Variants in OR8K3 observed in about 807,000 individuals in gnomAD.
The protein encoded by OR8K3 is olfactory receptor 8K3.
For synonymous variants in OR8K3, 167 were observed against 138.8 expected, an observed-to-expected ratio of 1.20 and a Z score of -1.43; for missense variants, 448 against 367.4, an observed-to-expected ratio of 1.22 and a Z score of -1.79.
intron 2 of OR8K3, among the ~76,000 whole-genome samples, chr11:56,316,462 T>A (rs1303343124): frequency 6.6e-6 from 1 of 151,906 alleles, no homozygotes; most frequent in Non-Finnish European, 1.5e-5. Flanking sequence ...TTATCTTAGG[T>A]TATCATGCCC....
chr11:56,318,282 A>G lies in OR8K3; in HGVS notation c.-23-2A>G, dbSNP rs746032696. The G allele has an allele frequency of 3.2e-6, 5 of 1,548,478 alleles. No individual in the cohort carries two copies. Among genetic ancestry groups the G allele is most frequent in the African/African-American group, 1.4e-5 (1 of 73,670 alleles). ...TATTGACAATGCCGATGTCTCTATCAGAATAGGTTTTCTGATGAACCTGGA... is the reference window on the plus strand; with the variant it reads ...TATTGACAATGCCGATGTCTCTATCGGAATAGGTTTTCTGATGAACCTGGA... On this transcript the variant is annotated splice_acceptor_variant, in intron 2 of 2. Coordinates refer to ENST00000641662, the MANE Select transcript of OR8K3 (RefSeq NM_001005202.2). LOFTEE classifies it low-confidence loss of function (5UTR_SPLICE).
intron 1 of OR8K3, among the ~76,000 whole-genome samples, chr11:56,315,708 GGGTTGCTACC>G (rs1854433901): frequency 6.6e-6 from 1 of 151,722 alleles, no homozygotes; most frequent in African/African-American, 2.4e-5. Context: ...GTCAAAAAGG[GGGTTGCTACC>G]TTACATTCGA....
chr11:56,317,366 A>G (rs1287995211), intron 2 of OR8K3, among the ~76,000 whole-genome samples: 1 of 152,140 alleles, frequency 6.6e-6, no homozygotes, highest in Non-Finnish European at 1.5e-5. Context: ...TAGATAACTT[A>G]CACTATTTGC....
chr11:56,316,851 CTT>C (rs777755328), intron 2 of OR8K3, among the ~76,000 whole-genome samples: 2 of 151,900 alleles, frequency 1.3e-5, no homozygotes, highest in Non-Finnish European at 2.9e-5. Flanking sequence ...ATAAAACAAA[CTT>C]AACGTTCACA....
intron 1 of OR8K3, 31 bp from the exon 2 acceptor site, chr11:56,315,969 A>G (rs1854438131): frequency 6.6e-6 from 1 of 152,066 alleles, no homozygotes; most frequent in African/African-American, 2.4e-5. Context: ...ACAGCAAAAT[A>G]TGAAAAAAAG....
In OR8K3 at chr11:56,320,043, C is replaced by T. The variant is rs918598365; in HGVS notation, c.*798C>T. 2 of 152,092 alleles carry T rather than the reference C, an allele frequency of 1.3e-5. No homozygotes were observed. Among genetic ancestry groups the T allele is most frequent in the Non-Finnish European group, 2.9e-5 (2 of 68,016 alleles). 9.4% of individuals were successfully genotyped at this position (152,092 alleles called of 1,614,324 possible). A position where few individuals can be genotyped will look rare whatever the true frequency, so the allele number is the denominator to read the frequency against. On this transcript the variant is annotated 3_prime_UTR_variant, in exon 3 of 3. Coordinates refer to ENST00000641662, the MANE Select transcript of OR8K3 (RefSeq NM_001005202.2). ...TCTTGCTTAATAACTGCCTTTTTCA[C>T]AGATTTTCCCGTTATTTATCTAAAA...
rs940269862 is a variant in OR8K3, at chr11:56,318,732, G to A, written c.426G>A (p.Gln142=). 2 of 1,613,838 alleles carry A rather than the reference G, an allele frequency of 1.2e-6. No homozygotes were observed. The highest frequency in any genetic ancestry group is 1.3e-5 in the African/African-American group (1 of 74,896). ...TAATCATGTCACGAAGGGTATGTCA[G>A]GTGCTGGTAGCAATCCCTTACCTCT... is the stretch of plus-strand genomic sequence containing the variant. ...YTVIMSRRVC[Q]VLVAIPYLYC... Residue 142 remains glutamine, a synonymous_variant, in exon 3 of 3, where the codon CAG becomes CAA. Coordinates refer to ENST00000641662, the MANE Select transcript of OR8K3 (RefSeq NM_001005202.2).
chr11:56,318,034 T>C (rs1347428586), intron 2 of OR8K3, among the ~76,000 whole-genome samples: 1 of 152,128 alleles, frequency 6.6e-6, no homozygotes, highest in East Asian at 1.9e-4. Flanking sequence ...CACCTCCAAA[T>C]TGTGATAAAT....
intron 1 of OR8K3, 51 bp from the exon 2 acceptor site, chr11:56,315,949 T>C (rs903128742): frequency 6.6e-6 from 1 of 152,016 alleles, no homozygotes; most frequent in Non-Finnish European, 1.5e-5. Context: ...GCAATTGATA[T>C]TCAACAAAGA....
At position 56,319,059 on chromosome 11, in the gene OR8K3, T is replaced by A; in HGVS notation, c.753T>A (p.Tyr251Ter). ...GAHLTVVIVF[Y>*]GTLLFMYVQP... is the part of the protein sequence containing the mutation. ...ACCTGACAGTGGTCATAGTGTTCTA[T>A]GGGACTTTGCTTTTCATGTACGTGC... Residue 251 changes from tyrosine (Y) to a stop codon, truncating the protein, a stop_gained, in exon 3 of 3, where the codon TAT (tyrosine) becomes TAA (stop). Coordinates refer to ENST00000641662, the MANE Select transcript of OR8K3 (RefSeq NM_001005202.2). LOFTEE classifies it low-confidence loss of function (END_TRUNC). 2 of 1,614,152 alleles carry A rather than the reference T, an allele frequency of 1.2e-6. No individual in the cohort carries two copies. Among genetic ancestry groups the A allele is most frequent in the Non-Finnish European group, 1.7e-6 (2 of 1,180,018 alleles).
Position 56,319,039 on chromosome 11 carries a change from A to G in OR8K3, c.733A>G (p.Thr245Ala), listed in dbSNP as rs370675491. 6.2e-6 allele frequency: 10 copies of G among 1,614,002 alleles called. No individual in the cohort carries two copies. The African/African-American group carries it at 1.1e-4, about 17-fold the overall frequency. The change falls in exon 3 of 3, where the codon ACA becomes GCA. Residue 245 changes from threonine (T) to alanine (A), a missense_variant. By Grantham distance (58) the Thr-to-Ala change is moderately conservative. Coordinates refer to ENST00000641662, the MANE Select transcript of OR8K3 (RefSeq NM_001005202.2). Reference sequence around the variant, plus strand: ...TTTTTCTACCTGTGGAGCCCACCTGACAGTGGTCATAGTGTTCTATGGGAC... The same window carrying G: ...TTTTTCTACCTGTGGAGCCCACCTGGCAGTGGTCATAGTGTTCTATGGGAC... ...KAFSTCGAHL[T>A]VVIVFYGTLL...
rs775352273 is a variant in OR8K3, at chr11:56,319,070, T to C, written c.764T>C (p.Leu255Pro). Reference protein sequence around the residue: ...TVVIVFYGTLLFMYVQPKSSH... With the variant: ...TVVIVFYGTLPFMYVQPKSSH... ...GTCATAGTGTTCTATGGGACTTTGCTTTTCATGTACGTGCAGCCCAAGTCC... is the reference window on the plus strand; with the variant it reads ...GTCATAGTGTTCTATGGGACTTTGCCTTTCATGTACGTGCAGCCCAAGTCC... The change falls in exon 3 of 3, where the codon CTT becomes CCT. Residue 255 changes from leucine (L) to proline (P), a missense_variant. Leu to Pro is a moderately conservative substitution (Grantham distance 98, BLOSUM62 -3). Transcript: ENST00000641662. The C allele has an allele frequency of 4.3e-6, 7 of 1,614,120 alleles. No individual in the cohort carries two copies. Among genetic ancestry groups the C allele is most frequent in the Non-Finnish European group, 5.9e-6 (7 of 1,180,006 alleles).
Position 56,318,769 on chromosome 11 carries a change from A to G in OR8K3, c.463A>G (p.Ile155Val), listed in dbSNP as rs374761061. 1 of 1,613,706 alleles carries G rather than the reference A, an allele frequency of 6.2e-7. No homozygotes were observed. Among genetic ancestry groups the G allele is most frequent in the African/African-American group, 1.3e-5 (1 of 74,856 alleles). ...AATCCCTTACCTCTATTGCACATTC[A>G]TTTCTCTTCTAGTCACCATAAAGAT... ...VAIPYLYCTF[I>V]SLLVTIKIFT... The change falls in exon 3 of 3, where the codon ATT becomes GTT. Residue 155 changes from isoleucine (I) to valine (V), a missense_variant. By Grantham distance (29) the Ile-to-Val change is conservative (BLOSUM62 3). Coordinates refer to ENST00000641662, the MANE Select transcript of OR8K3 (RefSeq NM_001005202.2).
chr11:56,318,283 G>A lies in OR8K3; in HGVS notation c.-23-1G>A. ...ATTGACAATGCCGATGTCTCTATCA[G>A]AATAGGTTTTCTGATGAACCTGGAT... On this transcript the variant is annotated splice_acceptor_variant, in intron 2 of 2. Transcript: ENST00000641662. LOFTEE classifies it low-confidence loss of function (5UTR_SPLICE). 1 of 1,557,494 alleles carries A rather than the reference G, an allele frequency of 6.4e-7. No individual in the cohort carries two copies. The highest frequency in any genetic ancestry group is 8.8e-7 in the Non-Finnish European group (1 of 1,132,708).
chr11:56,318,310 G>A lies in OR8K3; in HGVS notation c.4G>A (p.Glu2Lys), dbSNP rs1854471538. 7 of 1,610,838 alleles carry A rather than the reference G, an allele frequency of 4.3e-6. No individual in the cohort carries two copies. Among genetic ancestry groups the A allele is most frequent in the South Asian group, 1.1e-5 (1 of 90,938 alleles). The change falls in exon 3 of 3, where the codon GAA becomes AAA. Residue 2 changes from glutamate (E) to lysine (K), a missense_variant. Physicochemically the swap from Glu to Lys is moderately conservative, Grantham distance 56. Transcript: ENST00000641662. ...ATAGGTTTTCTGATGAACCTGGATG[G>A]AACAACACAATCTAACAACGGTGAA... is the stretch of plus-strand genomic sequence containing the variant. M[E>K]QHNLTTVNEF...
intron 2 of OR8K3, among the ~76,000 whole-genome samples, chr11:56,317,645 C>G (rs1395586499): frequency 2.6e-5 from 4 of 152,028 alleles, no homozygotes; most frequent in Non-Finnish European, 4.4e-5. Flanking sequence ...TTTTATATAA[C>G]TAAAATTGTA....
chr11:56,318,768 C>A lies in OR8K3; in HGVS notation c.462C>A (p.Phe154Leu), dbSNP rs779569425. The change falls in exon 3 of 3, where the codon TTC becomes TTA. Residue 154 changes from phenylalanine to leucine, a missense_variant. Physicochemically the swap from Phe to Leu is conservative, Grantham distance 22. Transcript: ENST00000641662. ...CAATCCCTTACCTCTATTGCACATT[C>A]ATTTCTCTTCTAGTCACCATAAAGA... ...LVAIPYLYCT[F>L]ISLLVTIKIF... The A allele has an allele frequency of 1.4e-5, 23 of 1,613,740 alleles. No homozygotes were observed. The highest frequency in any genetic ancestry group is 1.9e-5 in the Non-Finnish European group (23 of 1,179,784).
intron 1 of OR8K3, among the ~76,000 whole-genome samples, chr11:56,315,698 G>A (rs1032618667): frequency 6.6e-5 from 10 of 151,166 alleles, no homozygotes; most frequent in Non-Finnish European, 8.9e-5. Context: ...TGCTTGGTGA[G>A]TCAAAAAGGG....
intron 1 of OR8K3, among the ~76,000 whole-genome samples, chr11:56,315,758 G>A (rs1342726131): frequency 6.6e-6 from 1 of 150,644 alleles, no homozygotes; most frequent in African/African-American, 2.5e-5. Flanking sequence ...AAATTATGAG[G>A]CTTTTTGGGT....
Sources: allele counts gnomAD v4.1 joint callset (sites outside exome capture counted in the v4.1 genomes callset), GRCh38; gene constraint gnomAD v4.1.1; transcripts MANE v1.5; gene names NCBI Gene and HGNC (gene_info 2026-07-23, HGNC 2026-07-21).